Variants in PGCKA1 observed in about 807,000 individuals in gnomAD.
The protein encoded by PGCKA1 is PDCD10 and GCKIII kinases-associated protein 1.
At chr4:37,572,137 A>C in the PGCKA1 span, among the ~76,000 whole-genome samples, 1 of 128,508 alleles carries the variant, frequency 7.8e-6, no homozygotes, top group African/African-American at 3.0e-5. Flanking sequence ...ATCTCGGCTC[A>C]CTGCAAGCTC....
At chr4:37,456,277 C>T in the PGCKA1 span, among the ~76,000 whole-genome samples, 1 of 152,226 alleles carries the variant, frequency 6.6e-6, no homozygotes, top group Non-Finnish European at 1.5e-5. Flanking sequence ...CTTTCTTACT[C>T]TGACTGCTAT....
chr4:37,477,715 A>G, the PGCKA1 span, among the ~76,000 whole-genome samples: 1 of 152,140 alleles, frequency 6.6e-6, no homozygotes. Context: ...TTGACTTCCC[A>G]GTAGCTTTTG....
At chr4:37,547,976 T>TAA in the PGCKA1 span, among the ~76,000 whole-genome samples, 1,922 of 102,522 alleles carry the variant, frequency 0.019, 59 homozygotes, top group African/African-American at 0.061. Flanking sequence ...AAGTTCTCTT[T>TAA]AAAAAAAAAA....
At chr4:37,586,917 C>CAAACAAAACA in the PGCKA1 span, among the ~76,000 whole-genome samples, 5 of 152,024 alleles carry the variant, frequency 3.3e-5, no homozygotes, top group South Asian at 2.1e-4. Flanking sequence ...CTCAAAAAAA[C>CAAACAAAACA]AAACAAAACA....
the PGCKA1 span, among the ~76,000 whole-genome samples, chr4:37,526,258 A>G: frequency 1.3e-5 from 2 of 152,250 alleles, no homozygotes; most frequent in Non-Finnish European, 2.9e-5. Flanking sequence ...AGAGAGTTAT[A>G]TACTGTTTAT....
chr4:37,553,994 C>G, the PGCKA1 span, among the ~76,000 whole-genome samples: 2 of 152,100 alleles, frequency 1.3e-5, no homozygotes, highest in South Asian at 4.1e-4. Context: ...TGGCTGTGTC[C>G]CCACCCAAAT....
At chr4:37,571,172 C>G in the PGCKA1 span, among the ~76,000 whole-genome samples, 1 of 152,026 alleles carries the variant, frequency 6.6e-6, no homozygotes, top group Non-Finnish European at 1.5e-5. Context: ...ACCAAAGTCC[C>G]CCTCTAAGAT....
the PGCKA1 span, among the ~76,000 whole-genome samples, chr4:37,522,451 G>A: frequency 1.3e-5 from 2 of 152,082 alleles, no homozygotes; most frequent in Non-Finnish European, 2.9e-5. Context: ...AATGCTACCT[G>A]TCCTGGAACT....
At chr4:37,590,868 C>G in the PGCKA1 span, 2 of 1,614,220 alleles carry the variant, frequency 1.2e-6, no homozygotes, top group Non-Finnish European at 1.7e-6. Flanking sequence ...ACTCAGGAAA[C>G]AGGCAGGAGG....
the PGCKA1 span, among the ~76,000 whole-genome samples, chr4:37,558,249 G>C: frequency 1.3e-5 from 2 of 152,294 alleles, no homozygotes; most frequent in Admixed American, 1.3e-4. Flanking sequence ...GGTTTGAGTA[G>C]AATTGCTGTT....
At chr4:37,519,987 T>C in the PGCKA1 span, among the ~76,000 whole-genome samples, 1 of 152,226 alleles carries the variant, frequency 6.6e-6, no homozygotes, top group African/African-American at 2.4e-5. Flanking sequence ...TTGAATTTCA[T>C]CAAATGCTTT....
At chr4:37,549,705 C>T in the PGCKA1 span, among the ~76,000 whole-genome samples, 1 of 152,198 alleles carries the variant, frequency 6.6e-6, no homozygotes, top group Non-Finnish European at 1.5e-5. Flanking sequence ...CCCAGATAAA[C>T]ATAACTGTTT....
At chr4:37,583,207 A>C in the PGCKA1 span, among the ~76,000 whole-genome samples, 1 of 152,182 alleles carries the variant, frequency 6.6e-6, no homozygotes, top group African/African-American at 2.4e-5. Flanking sequence ...CATTCTTCAA[A>C]GCTATCACTA....
chr4:37,540,439 T>C, the PGCKA1 span, among the ~76,000 whole-genome samples: 1 of 152,236 alleles, frequency 6.6e-6, no homozygotes, highest in Admixed American at 6.5e-5. Context: ...TTACATTCTA[T>C]CCCGAATATG....
chr4:37,571,186 A>C, the PGCKA1 span, among the ~76,000 whole-genome samples: 1 of 152,182 alleles, frequency 6.6e-6, no homozygotes, highest in South Asian at 2.1e-4. Flanking sequence ...CTAAGATGCA[A>C]CAACAGCCTG....
chr4:37,593,044 C>A, the PGCKA1 span, among the ~76,000 whole-genome samples: 255 of 152,304 alleles, frequency 1.7e-3, 1 homozygote, highest in African/African-American at 5.7e-3. Flanking sequence ...TAATGACAAG[C>A]CATCGCAAGT....
chr4:37,482,223 T>C, the PGCKA1 span, among the ~76,000 whole-genome samples: 6 of 152,118 alleles, frequency 3.9e-5, no homozygotes, highest in African/African-American at 9.7e-5. Context: ...CAGGCAGACG[T>C]TGGAACAGTT....
the PGCKA1 span, among the ~76,000 whole-genome samples, chr4:37,465,765 A>C: frequency 6.6e-6 from 1 of 152,132 alleles, no homozygotes; most frequent in African/African-American, 2.4e-5. Flanking sequence ...TCACAATCCA[A>C]GTTTGATTAG....
At chr4:37,492,525 T>C in the PGCKA1 span, among the ~76,000 whole-genome samples, 503 of 152,304 alleles carry the variant, frequency 3.3e-3, 3 homozygotes, top group Non-Finnish European at 5.5e-3. The surrounding 1 kb of genome is among the most constrained non-coding windows in gnomAD (Gnocchi z 4.7). Context: ...AACACTTGCC[T>C]GGAAGGTATG....
Sources: gnomAD v4.1 joint callset for allele counts (sites outside exome capture counted in the v4.1 genomes callset) on GRCh38, gnomAD v4.1.1 for gene constraint, Gnocchi (gnomAD v3.1) non-coding constraint, MANE v1.5 for transcripts, NCBI Gene and HGNC (gene_info 2026-07-23, HGNC 2026-07-21) for gene names.